The following MAP3K7CL variants were observed in gnomAD, a reference collection of about 807,000 sequenced individuals.
MAP3K7CL encodes the protein MAP3K7 C-terminal-like protein.
In MAP3K7CL, 16 loss-of-function variants were observed where a neutral mutation model predicts 18.6. The observed-to-expected ratio is 0.86, with a 90% CI of 0.58 to 1.31. MAP3K7CL has a LOEUF of 1.31. MAP3K7CL is among the 50% of genes most tolerant of loss of function. The probability of loss-of-function intolerance (pLI) is 0.00; values close to 1 mark genes in which losing one functional copy is unlikely to be tolerated. For synonymous variants in MAP3K7CL, 65 were observed against 66.8 expected (o/e 0.97, Z 0.13); for missense variants, 163 against 174.4 (o/e 0.93, Z 0.37).
intron 4 of MAP3K7CL, among the ~76,000 whole-genome samples, chr21:29,110,673 T>C (rs933166430): frequency 2.0e-5 from 3 of 152,120 alleles, no homozygotes; most frequent in Non-Finnish European, 2.9e-5. Flanking sequence ...GTTGGGATTA[T>C]AGGCATGAGC....
intron 4 of MAP3K7CL, among the ~76,000 whole-genome samples, chr21:29,114,756 A>G (rs1005495581): frequency 5.9e-5 from 9 of 152,206 alleles, no homozygotes; most frequent in Non-Finnish European, 8.8e-5. Flanking sequence ...AATAATAATA[A>G]TAAACTCTCA....
At chr21:29,107,567 C>T (rs1181070672) in intron 4 of MAP3K7CL, among the ~76,000 whole-genome samples, 1 of 152,136 alleles carries the variant, frequency 6.6e-6, no homozygotes, top group Non-Finnish European at 1.5e-5. Context: ...TAATGAGAGC[C>T]TCTGGGAAAG....
At chr21:29,118,729 A>G (rs987453729) in intron 4 of MAP3K7CL, among the ~76,000 whole-genome samples, 1 of 152,232 alleles carries the variant, frequency 6.6e-6, no homozygotes, top group Admixed American at 6.5e-5. Context: ...GGAGCATGAG[A>G]TGAGTATGGA....
At chr21:29,158,980 G>A (rs2146720183) in intron 3 of MAP3K7CL, among the ~76,000 whole-genome samples, 1 of 142,156 alleles carries the variant, frequency 7.0e-6, no homozygotes, top group African/African-American at 2.8e-5. Context: ...GAGTACAGTG[G>A]CATGATCTCG....
At chr21:29,141,697 A>G (rs1050765114) in intron 2 of MAP3K7CL, among the ~76,000 whole-genome samples, 10 of 152,138 alleles carry the variant, frequency 6.6e-5, no homozygotes, top group Admixed American at 5.2e-4. Flanking sequence ...CCAAATCTCT[A>G]TCTTTATCCA....
At chr21:29,102,994 G>A (rs768489657) in intron 4 of MAP3K7CL, among the ~76,000 whole-genome samples, 9 of 152,130 alleles carry the variant, frequency 5.9e-5, no homozygotes, top group Non-Finnish European at 8.8e-5. Context: ...TTGCAACTGC[G>A]GGACAGACTC....
intron 2 of MAP3K7CL, among the ~76,000 whole-genome samples, chr21:29,142,865 TA>T (rs1568958826): frequency 2.0e-5 from 3 of 152,166 alleles, no homozygotes; most frequent in Non-Finnish European, 4.4e-5. Flanking sequence ...ATTCACCAAT[TA>T]AAAAGTGGCC....
At chr21:29,122,266 A>AC (rs2086606874) in intron 4 of MAP3K7CL, 1 of 152,254 alleles carries the variant, frequency 6.6e-6, no homozygotes, top group African/African-American at 2.4e-5. Flanking sequence ...GCGGGAGCAG[A>AC]ACTTTGTGCG....
At chr21:29,106,371 C>G (rs543570760) in intron 4 of MAP3K7CL, among the ~76,000 whole-genome samples, 1 of 152,190 alleles carries the variant, frequency 6.6e-6, no homozygotes, top group East Asian at 1.9e-4. Flanking sequence ...TTAGTAGAGA[C>G]AGAATTTCAC....
At chr21:29,077,146 G>A (rs1176606324), upstream of MAP3K7CL, among the ~76,000 whole-genome samples, 1 of 152,230 alleles carries the variant, frequency 6.6e-6, no homozygotes, top group Non-Finnish European at 1.5e-5. Flanking sequence ...AGTGGATCAC[G>A]CACTAGGGCT....
intron 4 of MAP3K7CL, 121 bp from the exon 5 acceptor site, chr21:29,174,591 A>T: frequency 1.6e-6 from 2 of 1,249,960 alleles, no homozygotes; most frequent in Non-Finnish European, 2.2e-6. Context: ...GCAAGTAGAG[A>T]TGGGAAAAAA....
intron 4 of MAP3K7CL, among the ~76,000 whole-genome samples, chr21:29,173,760 G>A (rs1031937645): frequency 6.6e-6 from 1 of 152,146 alleles, no homozygotes; most frequent in Non-Finnish European, 1.5e-5. Flanking sequence ...GGAGTGCAGT[G>A]GCACAATCAT....
At chr21:29,132,010 A>G (rs1053122187) in intron 1 of MAP3K7CL, among the ~76,000 whole-genome samples, 3 of 152,200 alleles carry the variant, frequency 2.0e-5, no homozygotes, top group Admixed American at 2.0e-4. Context: ...ATACTTTGCC[A>G]TTTTTAGAGC....
upstream of MAP3K7CL, among the ~76,000 whole-genome samples, chr21:29,082,117 T>G (rs2085846160): frequency 6.6e-6 from 1 of 152,252 alleles, no homozygotes; most frequent in Non-Finnish European, 1.5e-5. Flanking sequence ...ATGAGCTAAC[T>G]GAATCTGTCC....
chr21:29,091,455 G>A (rs1272508775), intron 1 of MAP3K7CL: 1 of 641,136 alleles, frequency 1.6e-6, no homozygotes, highest in Non-Finnish European at 2.8e-6. Context: ...ATTTTCCTGA[G>A]TGTACATTTT....
rs943118261 is a variant in MAP3K7CL at position 29,088,897 on chromosome 21, C to T, written c.58-2604C>T. Among the ~76,000 whole-genome samples, 3 of 152,048 alleles carry T rather than the reference C, an allele frequency of 2.0e-5. No homozygotes were observed. The East Asian group carries it at 5.8e-4, about 29-fold the overall frequency. ...GAGTGCTAACAAGATACTGGCCAGG[C>T]GTGGTGGTTCATGCCTGTAATCCCA... On this transcript the variant is annotated intron_variant, in intron 1 of 6. Coordinates refer to the MAP3K7CL transcript ENST00000286791.
chr21:29,140,351 A>T (rs1425596495), intron 2 of MAP3K7CL, among the ~76,000 whole-genome samples: 1 of 152,192 alleles, frequency 6.6e-6, no homozygotes, highest in African/African-American at 2.4e-5. Flanking sequence ...AAAGAAGGTG[A>T]GTGTTCATTG....
At chr21:29,166,300 C>T (rs922899013) in intron 4 of MAP3K7CL, among the ~76,000 whole-genome samples, 1 of 152,180 alleles carries the variant, frequency 6.6e-6, no homozygotes, top group African/African-American at 2.4e-5. Context: ...AACATCATGT[C>T]CTCCAGGTTC....
chr21:29,111,513 AG>A (rs1270161168), intron 4 of MAP3K7CL, among the ~76,000 whole-genome samples: 1 of 152,112 alleles, frequency 6.6e-6, no homozygotes, highest in Non-Finnish European at 1.5e-5. Context: ...TTCTTGTCCA[AG>A]TCTCTTGAGA....
Sources: allele counts gnomAD v4.1 joint callset (sites outside exome capture counted in the v4.1 genomes callset), GRCh38; gene constraint gnomAD v4.1.1; transcripts MANE v1.5; gene names NCBI Gene and HGNC (gene_info 2026-07-23, HGNC 2026-07-21).